Variants in ANKRD26 observed in about 807,000 individuals in gnomAD.
The protein encoded by ANKRD26 is ankyrin repeat domain 26, also known as ankyrin repeat domain-containing protein 26.
ANKRD26 carries 141 observed loss-of-function variants against 208.7 expected under a neutral mutation model. That is an observed-to-expected ratio of 0.68 (90% CI 0.59 to 0.78). The LOEUF is 0.78. Ranked by LOEUF, ANKRD26 falls within the 30% of genes least tolerant of loss-of-function variation. ANKRD26 has a pLI of 0.00. For missense variants in ANKRD26, 1,889 were observed against 1,938.7 expected (o/e 0.97, Z 0.48); for synonymous variants, 636 against 660.4 (o/e 0.96, Z 0.57).
intron 30 of ANKRD26, among the ~76,000 whole-genome samples, chr10:27,016,519 C>T (rs1366780459): frequency 1.3e-5 from 2 of 151,686 alleles, no homozygotes; most frequent in African/African-American, 2.4e-5. Context: ...CCTCGTGATC[C>T]GTCCACCTCG....
chr10:27,062,321 T>A, intron 12 of ANKRD26: 1 of 637,192 alleles, frequency 1.6e-6, no homozygotes, highest in African/African-American at 2.0e-5. Context: ...GATCCTGTTA[T>A]GCCTTGAATT....
At position 27,067,246 on chromosome 10, in the gene ANKRD26, C is replaced by T; in HGVS notation, c.1118G>A (p.Gly373Asp). 1.2e-6 allele frequency: 2 copies of T among 1,613,714 alleles called. No homozygotes were observed. The highest frequency in any genetic ancestry group is 1.7e-6 in the Non-Finnish European group (2 of 1,179,922). Residue 373 changes from glycine (G) to aspartate (D), a missense_variant, in exon 10 of 34, where the codon GGT becomes GAT. Coordinates refer to ENST00000376087, the MANE Select transcript of ANKRD26 (RefSeq NM_014915.3). ...TGGAGCACTTTCAATAATATCAATA[C>T]CATTTTCTTTTTTTGCAATGCCTGG... ...TKPGIAKKEN[G>D]IDIIESAPLE...
At chr10:27,073,562 T>G (rs930132333) in intron 9 of ANKRD26, among the ~76,000 whole-genome samples, 2 of 152,168 alleles carry the variant, frequency 1.3e-5, no homozygotes, top group African/African-American at 4.8e-5. Flanking sequence ...AACACTTTAG[T>G]GCATATCACT....
In ANKRD26 at chr10:27,066,562, T is replaced by C; in HGVS notation, c.1208-14A>G. ...CGGACATCATATCTATCAAATGTGA[T>C]ACACAGATATATTCATGAGAACATT... On this transcript the variant is annotated splice_polypyrimidine_tract_variant and intron_variant, in intron 10 of 33. Coordinates refer to ENST00000376087, the MANE Select transcript of ANKRD26 (RefSeq NM_014915.3). The C allele has an allele frequency of 6.5e-7, 1 of 1,549,248 alleles. No individual in the cohort carries two copies. Among genetic ancestry groups the C allele is most frequent in the Non-Finnish European group, 8.9e-7 (1 of 1,127,884 alleles).
chr10:26,998,030 T>G (rs1285657314), intron 4 of ANKRD26, among the ~76,000 whole-genome samples: 1 of 152,184 alleles, frequency 6.6e-6, no homozygotes, highest in Non-Finnish European at 1.5e-5. Flanking sequence ...TTGCTTTAAC[T>G]GTAGATGTAT....
At chr10:26,978,026 C>G (rs992931156) in intron 5 of ANKRD26, among the ~76,000 whole-genome samples, 2 of 152,206 alleles carry the variant, frequency 1.3e-5, no homozygotes, top group Admixed American at 6.5e-5. Context: ...CTCTACAGTT[C>G]TATGCATGCC....
In ANKRD26 at chr10:27,024,538, A is replaced by G. The variant is rs2053597206; in HGVS notation, c.3994T>C (p.Leu1332=). ...TGTTTTAATTCCATAAGTTTCTTTA[A>G]TTGTTCCTTTTCATCTTCAGACTTT... ...ANLSEDEKEQ[L]KKLMELKQSL... The change falls in exon 28 of 34, where the codon TTA becomes CTA. Residue 1332 remains leucine, a synonymous_variant. Coordinates refer to ENST00000376087, the MANE Select transcript of ANKRD26 (RefSeq NM_014915.3). The G allele has an allele frequency of 1.9e-6, 3 of 1,575,010 alleles. No homozygotes were observed. The highest frequency in any genetic ancestry group is 2.6e-6 in the Non-Finnish European group (3 of 1,147,354).
At chr10:27,060,052 T>C (rs1001352056) in intron 15 of ANKRD26, among the ~76,000 whole-genome samples, 1 of 151,202 alleles carries the variant, frequency 6.6e-6, no homozygotes, top group African/African-American at 2.4e-5. Flanking sequence ...ATACAAAAAT[T>C]TGCCAGGCGT....
chr10:27,063,389 C>T (rs1471509368), intron 12 of ANKRD26, among the ~76,000 whole-genome samples: 3 of 152,036 alleles, frequency 2.0e-5, no homozygotes, highest in Non-Finnish European at 4.4e-5. Context: ...GACGTGATCT[C>T]AGCTCACTGC....
intron 25 of ANKRD26, chr10:27,030,393 A>G (rs1047223639): frequency 2.0e-6 from 2 of 985,292 alleles, no homozygotes; most frequent in African/African-American, 1.7e-5. Flanking sequence ...CATAACTTAC[A>G]TGGCCATCAG....
At chr10:27,013,630 C>G (rs536603065) in intron 31 of ANKRD26, among the ~76,000 whole-genome samples, 5 of 152,176 alleles carry the variant, frequency 3.3e-5, no homozygotes, top group African/African-American at 1.2e-4. Flanking sequence ...TTTAGTAAAC[C>G]AGTTTAGAGA....
At chr10:27,086,928 C>G (rs573387176) in intron 4 of ANKRD26, among the ~76,000 whole-genome samples, 1 of 151,916 alleles carries the variant, frequency 6.6e-6, no homozygotes, top group Non-Finnish European at 1.5e-5. Flanking sequence ...CCCGTCACTA[C>G]GCTCAGCTAA....
chr10:27,085,132 G>A (rs1375172256), intron 5 of ANKRD26, among the ~76,000 whole-genome samples: 2 of 150,508 alleles, frequency 1.3e-5, no homozygotes, highest in Non-Finnish European at 3.0e-5. Context: ...ATGGAGTCTC[G>A]CTCTGTCACC....
At chr10:27,054,106 G>C (rs1304871634) in intron 15 of ANKRD26, among the ~76,000 whole-genome samples, 1 of 151,986 alleles carries the variant, frequency 6.6e-6, no homozygotes, top group African/African-American at 2.4e-5. Flanking sequence ...GGCTGCCTTA[G>C]TACCTTATCT....
downstream of ANKRD26, among the ~76,000 whole-genome samples, chr10:26,972,213 C>CGACA (rs1419804749): frequency 7.1e-6 from 1 of 141,602 alleles, no homozygotes. Context: ...CCAGCCTGGG[C>CGACA]GACAGAGCGA....
the ANKRD26 span, among the ~76,000 whole-genome samples, chr10:26,951,961 C>A: frequency 6.1e-3 from 540 of 88,724 alleles, no homozygotes; most frequent in Middle Eastern, 0.014. Context: ...CCTTCTTTCT[C>A]ATCTCTTCAT....
At chr10:27,003,029 A>G (rs909811458), downstream of ANKRD26, among the ~76,000 whole-genome samples, 8 of 152,188 alleles carry the variant, frequency 5.3e-5, no homozygotes, top group African/African-American at 1.9e-4. Context: ...GTGACCAACA[A>G]TATGTCATAG....
In ANKRD26 at chr10:27,012,208, A is replaced by G. The variant is rs1010409727; in HGVS notation, c.4953+674T>C. On this transcript the variant is annotated intron_variant, in intron 32 of 33. Coordinates refer to ENST00000376087, the MANE Select transcript of ANKRD26 (RefSeq NM_014915.3). Reference sequence around the variant, plus strand: ...ATCAAAGTGCTATCAACCACAGCCAAACTCAAATCCATTAGAAGGAAAGCC... The same window carrying G: ...ATCAAAGTGCTATCAACCACAGCCAGACTCAAATCCATTAGAAGGAAAGCC... Among the ~76,000 whole-genome samples the G allele has an allele frequency of 6.6e-5, 10 of 152,326 alleles. No individual in the cohort carries two copies. The East Asian group carries it at 1.9e-3, about 29-fold the overall frequency.
intron 25 of ANKRD26, among the ~76,000 whole-genome samples, chr10:27,030,891 A>G (rs1488615932): frequency 6.6e-6 from 1 of 152,242 alleles, no homozygotes; most frequent in Non-Finnish European, 1.5e-5. Flanking sequence ...TTATACAAGG[A>G]TAGGTGACAG....
Sources: allele counts gnomAD v4.1 joint callset (sites outside exome capture counted in the v4.1 genomes callset), GRCh38; gene constraint gnomAD v4.1.1; transcripts MANE v1.5; gene names NCBI Gene and HGNC (gene_info 2026-07-23, HGNC 2026-07-21).